The following PRKAG2 variants were observed in gnomAD, a reference collection of about 807,000 sequenced individuals.
PRKAG2 encodes 5'-AMP-activated protein kinase subunit gamma-2.
A neutral mutation model predicts 69.6 loss-of-function variants in PRKAG2; 26 were observed. The ratio of observed to expected loss-of-function variants is 0.37; its 90% CI spans 0.27 to 0.52. PRKAG2 has a LOEUF of 0.52. Ranked by LOEUF, PRKAG2 falls within the 20% of genes least tolerant of loss-of-function variation. The pLI is 0.90. For missense variants in PRKAG2, 557 were observed against 740.0 expected, an observed-to-expected ratio of 0.75 and a Z score of 2.87; for synonymous variants, 293 against 285.0, an observed-to-expected ratio of 1.03 and a Z score of -0.28.
chr7:151,675,693 G>T, intron 3 of PRKAG2, 56 bp from the exon 4 acceptor site: 4 of 1,523,320 alleles, frequency 2.6e-6, no homozygotes, highest in African/African-American at 1.4e-5. Context: ...AGGGACGTCG[G>T]GGGTGGTCAG....
chr7:151,607,579 C>G (rs1478330843), intron 5 of PRKAG2, among the ~76,000 whole-genome samples: 1 of 152,204 alleles, frequency 6.6e-6, no homozygotes, highest in East Asian at 1.9e-4. Context: ...CGTGTCCTCC[C>G]TACCTACACA....
At chr7:151,690,748 ATCT>A (rs1835538371) in intron 3 of PRKAG2, among the ~76,000 whole-genome samples, 1 of 152,218 alleles carries the variant, frequency 6.6e-6, no homozygotes, top group Non-Finnish European at 1.5e-5. Context: ...AGCTAAGCTC[ATCT>A]TCTGTGAAGC....
At chr7:151,724,847 C>T (rs1279921371) in intron 3 of PRKAG2, among the ~76,000 whole-genome samples, 1 of 152,078 alleles carries the variant, frequency 6.6e-6, no homozygotes, top group African/African-American at 2.4e-5. Context: ...AGAAAGCACC[C>T]CCCGAGCCTA....
chr7:151,720,725 A>C, intron 3 of PRKAG2, among the ~76,000 whole-genome samples: 1 of 46,194 alleles, frequency 2.2e-5, no homozygotes, highest in African/African-American at 9.8e-5. Flanking sequence ...GGACAGAGAG[A>C]ATGGAGGGGA....
At chr7:151,595,208 G>C (rs1814168109) in intron 6 of PRKAG2, 137 bp downstream of exon 6, 1 of 667,128 alleles carries the variant, frequency 1.5e-6, no homozygotes, top group African/African-American at 1.8e-5. Context: ...TGAGAATTCA[G>C]ATAAAACCTC....
intron 1 of PRKAG2, among the ~76,000 whole-genome samples, chr7:151,804,061 G>A (rs1006246309): frequency 6.6e-6 from 1 of 152,076 alleles, no homozygotes; most frequent in East Asian, 1.9e-4. Flanking sequence ...TTTTAGTTGC[G>A]TAGACAGCTA....
chr7:151,786,931 C>T (rs2077039340), intron 1 of PRKAG2, among the ~76,000 whole-genome samples: 1 of 152,166 alleles, frequency 6.6e-6, no homozygotes, highest in Non-Finnish European at 1.5e-5. Context: ...CATGTGTCTG[C>T]CTAGGAAGAT....
At chr7:151,570,629 T>C (rs990383710) in intron 9 of PRKAG2, among the ~76,000 whole-genome samples, 2 of 152,232 alleles carry the variant, frequency 1.3e-5, no homozygotes, top group Non-Finnish European at 2.9e-5. Context: ...AAATCAGTTA[T>C]GACAAACTTT....
At chr7:151,863,125 C>T (rs866892698) in intron 1 of PRKAG2, among the ~76,000 whole-genome samples, 20 of 144,804 alleles carry the variant, frequency 1.4e-4, no homozygotes, top group East Asian at 2.1e-4. Flanking sequence ...GGTAGGTCCC[C>T]GGGTACAGGG....
At chr7:151,613,649 C>G (rs953511317) in intron 5 of PRKAG2, among the ~76,000 whole-genome samples, 1 of 151,642 alleles carries the variant, frequency 6.6e-6, no homozygotes, top group Admixed American at 6.6e-5. Context: ...AGGCACCCAC[C>G]ACCACGCCTG....
At chr7:151,817,879 G>A (rs1269980985) in intron 1 of PRKAG2, among the ~76,000 whole-genome samples, 1 of 152,090 alleles carries the variant, frequency 6.6e-6, no homozygotes, top group Non-Finnish European at 1.5e-5. Context: ...CATCCTAACA[G>A]GGCCACTGTC....
intron 3 of PRKAG2, among the ~76,000 whole-genome samples, chr7:151,703,845 AACACACACACACACACAC>A (rs535818189): frequency 0.042 from 3,752 of 88,540 alleles, 106 homozygotes; most frequent in African/African-American, 0.062. Flanking sequence ...TTTACTGGAA[AACACACACACACACACAC>A]ACACACACAC....
At chr7:151,592,877 C>T (rs1813567123) in intron 6 of PRKAG2, among the ~76,000 whole-genome samples, 1 of 152,168 alleles carries the variant, frequency 6.6e-6, no homozygotes, top group African/African-American at 2.4e-5. Flanking sequence ...ATACTCAAAT[C>T]ACCCCTTTTC....
At chr7:151,669,930 G>GCAAGCACATACC (rs758769445) in intron 4 of PRKAG2, among the ~76,000 whole-genome samples, 1 of 87,478 alleles carries the variant, frequency 1.1e-5, no homozygotes. Context: ...ACACACACCT[G>GCAAGCACATACC]TGCACACACT....
intron 4 of PRKAG2, among the ~76,000 whole-genome samples, chr7:151,670,057 T>TACCCGCATGCACACTC (rs1563386653): frequency 9.6e-6 from 1 of 104,486 alleles, no homozygotes; most frequent in Non-Finnish European, 1.9e-5. Context: ...CCTGTGCACA[T>TACCCGCATGCACACTC]ACCCGCATGC....
intron 1 of PRKAG2, among the ~76,000 whole-genome samples, chr7:151,815,905 C>T (rs2078625320): frequency 6.6e-6 from 1 of 152,156 alleles, no homozygotes; most frequent in African/African-American, 2.4e-5. Flanking sequence ...TCTGTTGCTG[C>T]AGGTATTCAA....
At chr7:151,825,182 C>T (rs2078880078) in intron 1 of PRKAG2, among the ~76,000 whole-genome samples, 2 of 152,138 alleles carry the variant, frequency 1.3e-5, no homozygotes, top group African/African-American at 2.4e-5. Context: ...CCATTGTACT[C>T]CAGCCTGAGT....
intron 5 of PRKAG2, among the ~76,000 whole-genome samples, chr7:151,607,482 G>A (rs1817784305): frequency 6.6e-6 from 1 of 151,190 alleles, no homozygotes; most frequent in Non-Finnish European, 1.5e-5. Flanking sequence ...TCACTATGTT[G>A]ACCAGGCTGG....
intron 1 of PRKAG2, among the ~76,000 whole-genome samples, chr7:151,825,225 G>T (rs2078880929): frequency 6.6e-6 from 1 of 152,056 alleles, no homozygotes; most frequent in Non-Finnish European, 1.5e-5. Context: ...AAAAAAAACA[G>T]AAGGTCATTT....
Sources: gnomAD v4.1 joint callset for allele counts (sites outside exome capture counted in the v4.1 genomes callset) on GRCh38, gnomAD v4.1.1 for gene constraint, MANE v1.5 for transcripts, NCBI Gene and HGNC (gene_info 2026-07-23, HGNC 2026-07-21) for gene names.